Variants in GPN3 observed in about 807,000 individuals in gnomAD.
The protein encoded by GPN3 is ATP-binding domain 1 family member C.
Under a neutral mutation model 38.7 loss-of-function variants are expected in GPN3, and 31 were observed. The observed-to-expected ratio is 0.80, with a 90% CI of 0.60 to 1.08. GPN3 has a LOEUF of 1.08. Among genes scored for constraint, GPN3 ranks in the 50% least tolerant of loss-of-function variants. GPN3 has a pLI of 0.00. For missense variants in GPN3, 301 were observed against 354.4 expected, an observed-to-expected ratio of 0.85 and a Z score of 1.21; for synonymous variants, 116 against 120.2, an observed-to-expected ratio of 0.96 and a Z score of 0.23.
At chr12:110,468,020 A>C in intron 1 of GPN3, 136 bp downstream of exon 1, 2 of 1,196,934 alleles carry the variant, frequency 1.7e-6, no homozygotes, top group Admixed American at 3.4e-5. Context: ...AAGAACGTGA[A>C]GCCAGACAGC....
chr12:110,459,247 T>G (rs1009424079), intron 3 of GPN3, among the ~76,000 whole-genome samples: 2 of 151,810 alleles, frequency 1.3e-5, no homozygotes, highest in Non-Finnish European at 2.9e-5. Flanking sequence ...TTTGTTTTTT[T>G]TTTTTGTTTT....
chr12:110,461,398 AT>A, intron 2 of GPN3: 1 of 521,624 alleles, frequency 1.9e-6, no homozygotes, highest in Non-Finnish European at 3.4e-6. Context: ...AAGTTATAAA[AT>A]TGAAAAAAAA....
At chr12:110,459,493 G>A (rs920165525) in intron 3 of GPN3, among the ~76,000 whole-genome samples, 4 of 152,268 alleles carry the variant, frequency 2.6e-5, no homozygotes, top group African/African-American at 9.6e-5. Flanking sequence ...ACCTGCCTCG[G>A]CCTCCCAAAG....
In GPN3 at chr12:110,458,713, G is replaced by A. The variant is rs2062566625; in HGVS notation, c.325+982C>T. Among the ~76,000 whole-genome samples, 1 of 151,948 alleles carries A rather than the reference G, an allele frequency of 6.6e-6. No homozygotes were observed. Among genetic ancestry groups the A allele is most frequent in the Non-Finnish European group, 1.5e-5 (1 of 68,024 alleles). ...GAGAATCACTTGAACCCAGGAAGTG[G>A]AGACTGGAGTGAGCCGAGATGGCGC... On this transcript the variant is annotated intron_variant, in intron 3 of 7. Transcript: ENST00000228827. This position sits in a 1 kb window ranked among gnomAD's most constrained non-coding sequence, Gnocchi z 4.4.
At chr12:110,457,717 G>A (rs1289614941) in intron 3 of GPN3, 83 bp from the exon 4 acceptor site, 3 of 1,016,754 alleles carry the variant, frequency 3.0e-6, no homozygotes, top group Non-Finnish European at 4.2e-6. Context: ...TTCCCCATAA[G>A]ATGGACAAAA....
chr12:110,468,458 C>T, upstream of GPN3: 3 of 1,537,052 alleles, frequency 2.0e-6, no homozygotes, highest in Non-Finnish European at 2.6e-6. Context: ...GGGATGCTGT[C>T]TAAGCTTGGA....
intron 1 of GPN3, among the ~76,000 whole-genome samples, chr12:110,466,300 C>G (rs1293686599): frequency 6.6e-6 from 1 of 152,034 alleles, no homozygotes; most frequent in East Asian, 1.9e-4. Context: ...CCCCCAGGGC[C>G]CAAAACAGTG....
chr12:110,455,683 C>T lies in GPN3; in HGVS notation c.567-1G>A, dbSNP rs201870981. ...AGAATACATGTCTGGATCTAAAAAT[C>T]TTTAAAAGACAGAAAGACTGATGAA... On this transcript the variant is annotated splice_acceptor_variant, in intron 5 of 7. Transcript: ENST00000228827. LOFTEE classifies it high-confidence loss of function. The T allele has an allele frequency of 8.2e-7, 1 of 1,225,496 alleles. No individual in the cohort carries two copies. 75.9% of individuals were successfully genotyped at this position (1,225,496 alleles called of 1,614,324 possible). A position where few individuals can be genotyped will look rare whatever the true frequency, so the allele number is the denominator to read the frequency against.
upstream of GPN3, chr12:110,468,667 C>T (rs1266394039): frequency 6.5e-7 from 1 of 1,536,476 alleles, no homozygotes; most frequent in Non-Finnish European, 8.7e-7. Flanking sequence ...GCACTGCTTC[C>T]ACAGAGAGGT....
intron 6 of GPN3, among the ~76,000 whole-genome samples, chr12:110,454,388 CTTTTTTT>C (rs762868668): frequency 7.4e-6 from 1 of 135,000 alleles, no homozygotes; most frequent in Admixed American, 7.5e-5. Context: ...CTTTTTTTTT[CTTTTTTT>C]TTTTTTTTGG....
Position 110,457,617 on chromosome 12 carries a change from T to C in GPN3, c.343A>G (p.Thr115Ala). The C allele has an allele frequency of 6.2e-7, 1 of 1,600,230 alleles. No individual in the cohort carries two copies. Among genetic ancestry groups the C allele is most frequent in the Non-Finnish European group, 8.5e-7 (1 of 1,172,208 alleles). The change falls in exon 4 of 8, where the codon ACT becomes GCT. Residue 115 changes from threonine to alanine, a missense_variant. Thr to Ala is a moderately conservative substitution (Grantham distance 58). Coordinates refer to ENST00000228827, the MANE Select transcript of GPN3 (RefSeq NM_016301.4). Reference protein sequence around the residue: ...FDCPGQIELYTHLPVMKQLVQ... With the variant: ...FDCPGQIELYAHLPVMKQLVQ... Reference sequence around the variant, plus strand: ...AGCTGTTTCATCACAGGCAGGTGAGTGTACAACTCAATCTGACCTACATGA... The same window carrying C: ...AGCTGTTTCATCACAGGCAGGTGAGCGTACAACTCAATCTGACCTACATGA...
intron 3 of GPN3, among the ~76,000 whole-genome samples, chr12:110,459,248 T>G (rs2062570601): frequency 6.6e-6 from 1 of 151,740 alleles, no homozygotes; most frequent in African/African-American, 2.4e-5. Flanking sequence ...TTGTTTTTTT[T>G]TTTTGTTTTT....
In GPN3 at chr12:110,452,572, C is replaced by T. The variant is rs934808206; in HGVS notation, c.*462G>A. 1.3e-5 allele frequency: 2 copies of T among 159,036 alleles called. No homozygotes were observed. The highest frequency in any genetic ancestry group is 4.8e-5 in the African/African-American group (2 of 41,416). The allele number at this position is 159,036 out of a possible 1,614,324, so 9.9% of individuals were successfully genotyped here. A position where few individuals can be genotyped will look rare whatever the true frequency, so the allele number is the denominator to read the frequency against. ...ATATCTCAAAACATAGTTATTTTTACTTTTTAAGTTATATAAATAATATAC... is the reference window on the plus strand; with the variant it reads ...ATATCTCAAAACATAGTTATTTTTATTTTTTAAGTTATATAAATAATATAC... On this transcript the variant is annotated 3_prime_UTR_variant, in exon 8 of 8. Coordinates refer to ENST00000228827, the MANE Select transcript of GPN3 (RefSeq NM_016301.4).
chr12:110,457,024 T>C (rs1344205723), intron 4 of GPN3, among the ~76,000 whole-genome samples: 1 of 152,086 alleles, frequency 6.6e-6, no homozygotes, highest in Non-Finnish European at 1.5e-5. Context: ...TGGTAAGCAG[T>C]TCCTCCTAAA....
intron 3 of GPN3, among the ~76,000 whole-genome samples, chr12:110,459,240 GT>G (rs60209835): frequency 3.7e-4 from 52 of 142,310 alleles, no homozygotes; most frequent in Admixed American, 4.9e-4. Context: ...ACTTTTTTTT[GT>G]TTTTTTTTTT....
chr12:110,460,237 A>G (rs2135521238), intron 2 of GPN3, among the ~76,000 whole-genome samples: 1 of 152,324 alleles, frequency 6.6e-6, no homozygotes, highest in Middle Eastern at 3.4e-3. Flanking sequence ...CTTGAATTTT[A>G]TGTGCACAGG....
At chr12:110,455,740 C>T in intron 5 of GPN3, 58 bp from the exon 6 acceptor site, 2 of 1,049,658 alleles carry the variant, frequency 1.9e-6, no homozygotes, top group Non-Finnish European at 3.0e-6. Flanking sequence ...ACCAGCCAAA[C>T]TTCCCATCTA....
In GPN3 at chr12:110,459,838, T is replaced by G; in HGVS notation, c.182A>C (p.Asp61Ala). The part of the protein sequence containing the change: ...MADIRELIEV[D>A]DVMEDDSLRF... ...CAGAGAATCATCCTCCATTACATCA[T>G]CCACCTCGATCAGTTCCCGGATGTC... The change falls in exon 3 of 8, where the codon GAT becomes GCT. Residue 61 changes from aspartate (D) to alanine (A), a missense_variant. By Grantham distance (126) the Asp-to-Ala change is moderately radical. Coordinates refer to ENST00000228827, the MANE Select transcript of GPN3 (RefSeq NM_016301.4). The G allele has an allele frequency of 6.2e-7, 1 of 1,614,014 alleles. No individual in the cohort carries two copies. The highest frequency in any genetic ancestry group is 8.5e-7 in the Non-Finnish European group (1 of 1,179,892).
In GPN3 at chr12:110,458,609, T is replaced by C. The variant is rs576355415; in HGVS notation, c.326-975A>G. Among the ~76,000 whole-genome samples the C allele has an allele frequency of 2.0e-5, 3 of 152,070 alleles. No individual in the cohort carries two copies. The highest frequency in any genetic ancestry group is 7.2e-5 in the African/African-American group (3 of 41,506). On this transcript the variant is annotated intron_variant, in intron 3 of 7. Transcript: ENST00000228827. The surrounding 1 kb of genome is among the most constrained non-coding windows in gnomAD (Gnocchi z 4.4). ...CAGCCTGGCCAACACAGTGAAACCC[T>C]GTCTCTACTAAAAATACAAAAATAG...
Sources: gnomAD v4.1 joint callset for allele counts (sites outside exome capture counted in the v4.1 genomes callset) on GRCh38, gnomAD v4.1.1 for gene constraint, Gnocchi (gnomAD v3.1) non-coding constraint, MANE v1.5 for transcripts, NCBI Gene and HGNC (gene_info 2026-07-23, HGNC 2026-07-21) for gene names.